The following SV2B variants were observed in gnomAD, a reference collection of about 807,000 sequenced individuals.
SV2B encodes solute carrier family 22 member B2.
Under a neutral mutation model 73.9 loss-of-function variants are expected in SV2B, and 41 were observed. The ratio of observed to expected loss-of-function variants is 0.56; its 90% CI spans 0.43 to 0.72. SV2B has a LOEUF of 0.72. SV2B is among the 30% of genes least tolerant of loss of function. The pLI, the probability that SV2B is intolerant of heterozygous loss-of-function variation, is 0.00. For synonymous variants in SV2B, 314 were observed against 314.2 expected (o/e 1.00, Z 0.01); for missense variants, 764 against 857.8 (o/e 0.89, Z 1.37).
At chr15:91,171,486 C>T (rs977189477) in intron 1 of SV2B, among the ~76,000 whole-genome samples, 1 of 152,168 alleles carries the variant, frequency 6.6e-6, no homozygotes, top group African/African-American at 2.4e-5. Flanking sequence ...GTGACAGCCA[C>T]ACTCAGTGCA....
At chr15:91,246,757 C>T (rs2047249766) in intron 2 of SV2B, among the ~76,000 whole-genome samples, 1 of 151,952 alleles carries the variant, frequency 6.6e-6, no homozygotes, top group Non-Finnish European at 1.5e-5. Context: ...CCTTCTTCTC[C>T]TCTTCCTCCT....
intron 1 of SV2B, among the ~76,000 whole-genome samples, chr15:91,212,501 A>G (rs535418571): frequency 1.4e-4 from 21 of 152,228 alleles, no homozygotes; most frequent in African/African-American, 5.1e-4. Context: ...GCTAAGATTC[A>G]CTGTTTAATT....
intron 1 of SV2B, among the ~76,000 whole-genome samples, chr15:91,164,680 C>T (rs1284715996): frequency 6.6e-6 from 1 of 152,168 alleles, no homozygotes; most frequent in Non-Finnish European, 1.5e-5. Flanking sequence ...TTCTGCCTAC[C>T]ATAATGATAT....
At chr15:91,126,928 C>T (rs770517717) in intron 1 of SV2B, among the ~76,000 whole-genome samples, 1 of 152,214 alleles carries the variant, frequency 6.6e-6, no homozygotes, top group Admixed American at 6.5e-5. Flanking sequence ...GAATGCTTTC[C>T]CTTCAAGTTT....
intron 1 of SV2B, among the ~76,000 whole-genome samples, chr15:91,193,026 C>A (rs889034561): frequency 6.6e-6 from 1 of 152,240 alleles, no homozygotes; most frequent in Non-Finnish European, 1.5e-5. Flanking sequence ...ACAAATCTAT[C>A]TACTCATTTG....
chr15:91,181,398 G>A (rs902080323), intron 1 of SV2B, among the ~76,000 whole-genome samples: 8 of 152,084 alleles, frequency 5.3e-5, no homozygotes, highest in African/African-American at 1.7e-4. Context: ...CCAGCTGCGT[G>A]CTGGGAGAAA....
intron 1 of SV2B, among the ~76,000 whole-genome samples, chr15:91,158,693 T>C (rs10615709): frequency 0.019 from 738 of 38,036 alleles, 11 homozygotes; most frequent in Middle Eastern, 0.026. Flanking sequence ...TCTCTTCTCT[T>C]CTCTTCTCTC....
intron 1 of SV2B, among the ~76,000 whole-genome samples, chr15:91,178,712 C>T (rs199594181): frequency 0.35 from 50,585 of 146,422 alleles, 9,236 homozygotes; most frequent in East Asian, 0.69. Flanking sequence ...GGTGGTAGTT[C>T]GTATTTCTGT....
At chr15:91,163,837 C>T (rs1596502076) in intron 1 of SV2B, among the ~76,000 whole-genome samples, 1 of 152,178 alleles carries the variant, frequency 6.6e-6, no homozygotes, top group South Asian at 2.1e-4. Flanking sequence ...AAGTCCTTGC[C>T]CATACCTATG....
chr15:91,201,999 T>G (rs187165139), intron 1 of SV2B, among the ~76,000 whole-genome samples: 115 of 152,338 alleles, frequency 7.5e-4, no homozygotes, highest in African/African-American at 2.7e-3. Context: ...TTTCACTGTT[T>G]CTGACTTTGT....
intron 1 of SV2B, among the ~76,000 whole-genome samples, chr15:91,158,390 A>C (rs891255099): frequency 6.6e-6 from 1 of 152,036 alleles, no homozygotes; most frequent in African/African-American, 2.4e-5. Context: ...TGAATGAATG[A>C]ATGAGGCAAT....
chr15:91,249,172 A>G (rs2047382702), intron 2 of SV2B, among the ~76,000 whole-genome samples: 1 of 151,988 alleles, frequency 6.6e-6, no homozygotes, highest in South Asian at 2.1e-4. Context: ...CCCTACATGA[A>G]CTATGCTCTA....
At chr15:91,194,427 T>C (rs1429700117) in intron 1 of SV2B, among the ~76,000 whole-genome samples, 1 of 152,260 alleles carries the variant, frequency 6.6e-6, no homozygotes, top group African/African-American at 2.4e-5. Context: ...ATCAAGCTAC[T>C]GTGAACATTC....
At chr15:91,194,816 T>C (rs1388367861) in intron 1 of SV2B, among the ~76,000 whole-genome samples, 1 of 152,148 alleles carries the variant, frequency 6.6e-6, no homozygotes, top group African/African-American at 2.4e-5. Flanking sequence ...TGGAGGATTC[T>C]TCTTCCCCGG....
rs527613990 is a variant in SV2B, at chr15:91,242,968, T to C, written c.452-8851T>C. On this transcript the variant is annotated intron_variant, in intron 2 of 12. Coordinates refer to ENST00000394232, the MANE Select transcript of SV2B (RefSeq NM_001323032.3). This position sits in a 1 kb window ranked among gnomAD's most constrained non-coding sequence, Gnocchi z 4.9. ...ACAGCAGTTGGCTGAAGTTAGGTGG[T>C]GGCTGCTCCCTTTAGACGGGCATGT... Among the ~76,000 whole-genome samples, 7 of 152,174 alleles carry C rather than the reference T, an allele frequency of 4.6e-5. No homozygotes were observed. The highest frequency in any genetic ancestry group is 1.7e-4 in the African/African-American group (7 of 41,422).
In SV2B at chr15:91,110,177, T is replaced by C. The variant is rs1263103113; in HGVS notation, c.-392+9814T>C. On this transcript the variant is annotated intron_variant, in intron 1 of 12. Transcript: ENST00000394232. The surrounding 1 kb of genome is among the most constrained non-coding windows in gnomAD (Gnocchi z 5.4). ...AGTGTTCATTTGCATGTTTCTCTCA[T>C]GAAATGACCATGAAAACAGAATTGT... Among the ~76,000 whole-genome samples the C allele has an allele frequency of 6.6e-6, 1 of 152,198 alleles. No homozygotes were observed. Among genetic ancestry groups the C allele is most frequent in the Non-Finnish European group, 1.5e-5 (1 of 68,026 alleles).
In SV2B at chr15:91,294,496, T is replaced by C. The variant is rs781504661; in HGVS notation, c.*1944T>C. ...TATTAATCTTTCTCTCAGTGTTTTA[T>C]AGGAGTACTAACATTTATTGCTCTG... On this transcript the variant is annotated 3_prime_UTR_variant, in exon 13 of 13. Transcript: ENST00000394232. This position sits in a 1 kb window ranked among gnomAD's most constrained non-coding sequence, Gnocchi z 4.1. 5.1e-5 allele frequency: 7 copies of C among 136,740 alleles called. No individual in the cohort carries two copies. The highest frequency in any genetic ancestry group is 7.5e-5 in the Non-Finnish European group (5 of 66,534). The allele number at this position is 136,740 out of a possible 1,614,324, so 8.5% of individuals were successfully genotyped here.
chr15:91,129,128 C>G lies in SV2B; in HGVS notation c.-392+28765C>G, dbSNP rs144592296. 3.9e-5 allele frequency among the ~76,000 whole-genome samples: 6 copies of G among 152,126 alleles called. No homozygotes were observed. Among genetic ancestry groups the G allele is most frequent in the African/African-American group, 1.4e-4 (6 of 41,414 alleles). On this transcript the variant is annotated intron_variant, in intron 1 of 12. Coordinates refer to ENST00000394232, the MANE Select transcript of SV2B (RefSeq NM_001323032.3). This position sits in a 1 kb window ranked among gnomAD's most constrained non-coding sequence, Gnocchi z 5.1. ...CCTTTCAAACAGGAGTGAAATAATC[C>G]CAGCGACAGCGTATGTGTGAGATCC...
chr15:91,133,944 G>C (rs879359798), intron 1 of SV2B, among the ~76,000 whole-genome samples: 1 of 150,994 alleles, frequency 6.6e-6, no homozygotes, highest in Admixed American at 6.6e-5. Flanking sequence ...AAAAAGTGAG[G>C]CATGTTGAGA....
Sources: gnomAD v4.1 joint callset for allele counts (sites outside exome capture counted in the v4.1 genomes callset) on GRCh38, gnomAD v4.1.1 for gene constraint, Gnocchi (gnomAD v3.1) non-coding constraint, MANE v1.5 for transcripts, NCBI Gene and HGNC (gene_info 2026-07-23, HGNC 2026-07-21) for gene names.